The following CSMD1 variants were observed in gnomAD, a reference collection of about 807,000 sequenced individuals.
CSMD1 encodes CUB and Sushi multiple domains 1, also known as CUB and sushi domain-containing protein 1.
In CSMD1, 213 loss-of-function variants were observed where a neutral mutation model predicts 417.5. That is an observed-to-expected ratio of 0.51 (90% CI 0.46 to 0.57). CSMD1 has a LOEUF of 0.57. CSMD1 is among the 20% of genes least tolerant of loss of function. The pLI, the probability that CSMD1 is intolerant of heterozygous loss-of-function variation, is 0.00. For missense variants in CSMD1, 6,923 were observed against 4,529.7 expected (o/e 1.53, Z -15.17); for synonymous variants, 2,862 against 1,736.8 (o/e 1.65, Z -16.11).
chr8:3,080,287 A>C (rs1013193311), intron 49 of CSMD1, among the ~76,000 whole-genome samples: 3 of 152,200 alleles, frequency 2.0e-5, no homozygotes, highest in Non-Finnish European at 4.4e-5. Context: ...CTCAAGATGA[A>C]TAAGATTAGT....
At chr8:3,335,285 G>A (rs186080104) in intron 23 of CSMD1, among the ~76,000 whole-genome samples, 48 of 152,222 alleles carry the variant, frequency 3.2e-4, no homozygotes, top group Non-Finnish European at 5.3e-4. Flanking sequence ...TGTGATGACC[G>A]TGCCATGAAG....
At chr8:4,549,083 A>G (rs78043998) in intron 2 of CSMD1, among the ~76,000 whole-genome samples, 4,538 of 152,176 alleles carry the variant, frequency 0.03, 231 homozygotes, top group African/African-American at 0.1. Context: ...ACTTCATTAA[A>G]CTTCCATAAG....
chr8:3,874,781 G>C (rs879412862), intron 5 of CSMD1, among the ~76,000 whole-genome samples: 3 of 152,110 alleles, frequency 2.0e-5, no homozygotes, highest in Non-Finnish European at 4.4e-5. Context: ...GACAGGGTTT[G>C]GAAGGAGATG....
In CSMD1 at chr8:3,848,145, G is replaced by A. The variant is rs113051954; in HGVS notation, c.819-94103C>T. ...TGAATTTATTTTTGCTGTGACTGCT[G>A]TATGTGGTGGATGAGAAGTTGGCAT... is the stretch of plus-strand genomic sequence containing the variant. On this transcript the variant is annotated intron_variant, in intron 5 of 69. Transcript: ENST00000635120. 7.5e-3 allele frequency among the ~76,000 whole-genome samples: 1,145 copies of A among 151,994 alleles called. 13 individuals are homozygous for A. The highest frequency in any genetic ancestry group is 0.026 in the African/African-American group (1,074 of 41,400).
chr8:4,502,928 T>C (rs1012035447), intron 2 of CSMD1, among the ~76,000 whole-genome samples: 12 of 152,174 alleles, frequency 7.9e-5, no homozygotes, highest in African/African-American at 2.7e-4. Flanking sequence ...AAATTATATG[T>C]CTGTTTGGTC....
intron 2 of CSMD1, among the ~76,000 whole-genome samples, chr8:4,423,169 T>G (rs1426679798): frequency 6.6e-6 from 1 of 152,094 alleles, no homozygotes; most frequent in Non-Finnish European, 1.5e-5. Context: ...CAAGAATGCT[T>G]TGAACATTCT....
intron 1 of CSMD1, among the ~76,000 whole-genome samples, chr8:4,751,120 C>G (rs1192934544): frequency 2.0e-5 from 3 of 152,214 alleles, no homozygotes; most frequent in Non-Finnish European, 2.9e-5. Flanking sequence ...AGCAGTGGCT[C>G]AGGCCTGTAA....
At chr8:3,614,810 C>G (rs1802058271) in intron 8 of CSMD1, among the ~76,000 whole-genome samples, 1 of 152,132 alleles carries the variant, frequency 6.6e-6, no homozygotes, top group African/African-American at 2.4e-5. Flanking sequence ...AAGACACTCT[C>G]CATTCTGGAG....
chr8:3,083,608 TTTTATATA>T lies in CSMD1; in HGVS notation c.7474+3481_7474+3488del, dbSNP rs1374248783. Among the ~76,000 whole-genome samples, 206 of 44,988 alleles carry T rather than the reference TTTTATATA, an allele frequency of 4.6e-3. 17 individuals are homozygous for T. Among genetic ancestry groups the T allele is most frequent in the African/African-American group, 0.012 (137 of 11,328 alleles). 29.5% of individuals were successfully genotyped at this position (44,988 alleles called of 152,430 possible). On this transcript the variant is annotated intron_variant, in intron 49 of 69. Transcript: ENST00000635120. ...CATCCACGGTGACAGTTACCATAAT[TTTTATATA>T]TATATATATATATATATATATATAT... is the stretch of plus-strand genomic sequence containing the variant.
chr8:3,989,116 T>C (rs1345045429), intron 5 of CSMD1, among the ~76,000 whole-genome samples: 6 of 152,226 alleles, frequency 3.9e-5, no homozygotes, highest in Non-Finnish European at 5.9e-5. Flanking sequence ...CAGCTAGTTA[T>C]AGAAATTGCT....
chr8:3,432,186 A>G (rs1481817533), intron 12 of CSMD1, among the ~76,000 whole-genome samples: 5 of 152,216 alleles, frequency 3.3e-5, no homozygotes, highest in Non-Finnish European at 5.9e-5. Context: ...GGGCATTATA[A>G]TCAGGAAGAG....
intron 1 of CSMD1, among the ~76,000 whole-genome samples, chr8:4,734,567 G>A (rs1046260715): frequency 3.9e-5 from 6 of 152,052 alleles, no homozygotes; most frequent in African/African-American, 1.2e-4. Flanking sequence ...AGTAAATGCT[G>A]GGTATTAAAT....
rs757694899 is a variant in CSMD1 at position 4,077,281 on chromosome 8, A to ATGTATATATATATG, written c.416-45183_416-45182insCATATATATATACA. On this transcript the variant is annotated intron_variant, in intron 3 of 69. Transcript: ENST00000635120. Reference sequence around the variant, plus strand: ...CACTGTAAAAGCCCATTTGTCACCTATATATATATATATGTGTATATATAT... The same window carrying ATGTATATATATATG: ...CACTGTAAAAGCCCATTTGTCACCTATGTATATATATATGTATATATATATATGTGTATATATAT... Among the ~76,000 whole-genome samples, 369 of 81,534 alleles carry ATGTATATATATATG rather than the reference A, an allele frequency of 4.5e-3. 3 individuals are homozygous for ATGTATATATATATG. The highest frequency in any genetic ancestry group is 0.016 in the African/African-American group (350 of 22,496). The allele number at this position is 81,534 out of a possible 152,430, so 53.5% of individuals were successfully genotyped here.
intron 5 of CSMD1, among the ~76,000 whole-genome samples, chr8:3,766,998 G>T (rs1056690961): frequency 6.6e-6 from 1 of 152,212 alleles, no homozygotes; most frequent in South Asian, 2.1e-4. Context: ...AAGACCAGCA[G>T]CCCTCAACAT....
intron 25 of CSMD1, among the ~76,000 whole-genome samples, chr8:3,288,197 T>C (rs1400370644): frequency 2.7e-5 from 4 of 147,424 alleles, no homozygotes; most frequent in African/African-American, 8.1e-5. Flanking sequence ...TTGCTGGATT[T>C]GGTTTGCCAG....
At chr8:4,470,052 A>G (rs1048621138) in intron 2 of CSMD1, among the ~76,000 whole-genome samples, 6 of 151,734 alleles carry the variant, frequency 4.0e-5, no homozygotes, top group African/African-American at 1.4e-4. Context: ...TTGTATTTTT[A>G]GTAGAGATGG....
chr8:3,914,382 C>T (rs1179855226), intron 5 of CSMD1, among the ~76,000 whole-genome samples: 3 of 151,932 alleles, frequency 2.0e-5, no homozygotes, highest in Non-Finnish European at 4.4e-5. Flanking sequence ...TAAAAACATA[C>T]GGGTACAGAT....
rs539485885 is a variant in CSMD1, at chr8:3,440,020, C to T, written c.1561+28692G>A. Among the ~76,000 whole-genome samples the T allele has an allele frequency of 2.6e-5, 4 of 152,260 alleles. No homozygotes were observed. In the South Asian group the frequency reaches 8.3e-4, roughly 32 times the overall value. ...TCCATTCCATTAATCTCTGTGTCTG[C>T]CCTTCCACCAACACCACATGGTCTT... On this transcript the variant is annotated intron_variant, in intron 12 of 69. Transcript: ENST00000635120.
intron 2 of CSMD1, among the ~76,000 whole-genome samples, chr8:4,500,579 A>C (rs113568212): frequency 1.3e-4 from 20 of 152,102 alleles, no homozygotes; most frequent in African/African-American, 4.8e-4. Flanking sequence ...AAAGAAGAAC[A>C]GGATAGCTGT....
Sources: gnomAD v4.1 joint callset for allele counts (sites outside exome capture counted in the v4.1 genomes callset) on GRCh38, gnomAD v4.1.1 for gene constraint, MANE v1.5 for transcripts, NCBI Gene and HGNC (gene_info 2026-07-23, HGNC 2026-07-21) for gene names.